Variants in PTPRG observed in about 807,000 individuals in gnomAD.
The protein encoded by PTPRG is receptor-type tyrosine-protein phosphatase gamma.
In PTPRG, 102 loss-of-function variants were observed where a neutral mutation model predicts 165.3. That is an observed-to-expected ratio of 0.62 (90% CI 0.53 to 0.73). PTPRG has a LOEUF of 0.73. PTPRG is among the 30% of genes least tolerant of loss of function. PTPRG has a pLI of 0.00. For synonymous variants in PTPRG, 675 were observed against 669.5 expected, an observed-to-expected ratio of 1.01 and a Z score of -0.13; for missense variants, 1,866 against 1,861.4, an observed-to-expected ratio of 1.00 and a Z score of -0.05.
In PTPRG at chr3:62,203,074, G is replaced by A; in HGVS notation, c.1378-99G>A. 1 of 1,503,298 alleles carries A rather than the reference G, an allele frequency of 6.7e-7. No individual in the cohort carries two copies. The highest frequency in any genetic ancestry group is 8.9e-7 in the Non-Finnish European group (1 of 1,126,532). The allele number at this position is 1,503,298 out of a possible 1,614,324, so 93.1% of individuals were successfully genotyped here. ...GCATAGATGAGTAAAATCCTCAGAG[G>A]GTGACAACCAGGGCCTCATTCCCAA... On this transcript the variant is annotated intron_variant, in intron 11 of 29. Coordinates refer to ENST00000474889, the MANE Select transcript of PTPRG (RefSeq NM_002841.4). This position sits in a 1 kb window ranked among gnomAD's most constrained non-coding sequence, Gnocchi z 6.4.
chr3:62,031,610 A>T (rs1699772231), intron 4 of PTPRG, among the ~76,000 whole-genome samples: 1 of 152,146 alleles, frequency 6.6e-6, no homozygotes, highest in South Asian at 2.1e-4. Flanking sequence ...TGGGGAATGG[A>T]TGGTGGGATG....
chr3:61,754,980 CCTT>C (rs748658747), intron 2 of PTPRG, among the ~76,000 whole-genome samples: 58 of 151,798 alleles, frequency 3.8e-4, no homozygotes, highest in Admixed American at 2.9e-3. Flanking sequence ...ATAGAGACCT[CCTT>C]CTTCTTCTTC....
chr3:62,089,360 C>T (rs1027177825), intron 5 of PTPRG, among the ~76,000 whole-genome samples: 1 of 152,078 alleles, frequency 6.6e-6, no homozygotes, highest in South Asian at 2.1e-4. Flanking sequence ...TATGATTTTC[C>T]CCATGTTCCT....
chr3:61,800,661 T>G (rs931210596), intron 2 of PTPRG, among the ~76,000 whole-genome samples: 1 of 132,812 alleles, frequency 7.5e-6, no homozygotes, highest in Non-Finnish European at 1.7e-5. Flanking sequence ...CGGTACTCTG[T>G]TTTTTTTTTT....
intron 4 of PTPRG, among the ~76,000 whole-genome samples, chr3:62,052,802 A>G (rs1311922553): frequency 6.6e-6 from 1 of 152,226 alleles, no homozygotes; most frequent in Non-Finnish European, 1.5e-5. Flanking sequence ...TTAAAAAGAC[A>G]AAAGAGAAGA....
intron 6 of PTPRG, among the ~76,000 whole-genome samples, chr3:62,150,842 T>G (rs1241134849): frequency 6.6e-6 from 1 of 152,200 alleles, no homozygotes; most frequent in South Asian, 2.1e-4. Context: ...CCTTCCAATC[T>G]TCCAATGTAA....
At chr3:61,946,667 T>C (rs537659614) in intron 2 of PTPRG, among the ~76,000 whole-genome samples, 1 of 152,356 alleles carries the variant, frequency 6.6e-6, no homozygotes, top group East Asian at 1.9e-4. Context: ...GTAAATGAGA[T>C]GCCAAAAATA....
At chr3:62,056,061 C>T (rs1700624279) in intron 4 of PTPRG, among the ~76,000 whole-genome samples, 1 of 152,208 alleles carries the variant, frequency 6.6e-6, no homozygotes, top group South Asian at 2.1e-4. Context: ...TAGCCCAAGG[C>T]TCTAACAACT....
intron 2 of PTPRG, among the ~76,000 whole-genome samples, chr3:61,791,032 A>G (rs942874498): frequency 3.9e-5 from 6 of 152,204 alleles, no homozygotes; most frequent in Admixed American, 2.6e-4. Flanking sequence ...GATGTCGGTT[A>G]ACAGTTTAAA....
intron 2 of PTPRG, among the ~76,000 whole-genome samples, chr3:61,987,345 G>A (rs187230468): frequency 2.8e-4 from 43 of 152,250 alleles, no homozygotes; most frequent in African/African-American, 1.0e-3. Flanking sequence ...GAATCCCACT[G>A]GTATGAACCC....
chr3:62,137,574 C>G (rs760523040), intron 6 of PTPRG, among the ~76,000 whole-genome samples: 12 of 152,098 alleles, frequency 7.9e-5, no homozygotes, highest in Non-Finnish European at 1.6e-4. Flanking sequence ...TCATCGATTT[C>G]CTGAGCATAC....
intron 2 of PTPRG, among the ~76,000 whole-genome samples, chr3:61,918,478 T>G (rs2038996839): frequency 1.3e-5 from 2 of 152,196 alleles, no homozygotes; most frequent in Admixed American, 1.3e-4. Context: ...GTTGGGTGTT[T>G]GAGATACTAA....
intron 2 of PTPRG, among the ~76,000 whole-genome samples, chr3:61,930,897 C>T (rs889013804): frequency 1.7e-4 from 26 of 152,212 alleles, no homozygotes; most frequent in African/African-American, 6.0e-4. Context: ...CCCATCTCTA[C>T]TAAAAAATAC....
At chr3:61,723,644 ACAGAGCGGTCCCATATACCCC>A (rs1467209493) in intron 1 of PTPRG, among the ~76,000 whole-genome samples, 1 of 152,200 alleles carries the variant, frequency 6.6e-6, no homozygotes, top group Non-Finnish European at 1.5e-5. Flanking sequence ...CCAAGATAGT[ACAGAGCGGTCCCATATACCCC>A]CTTTTTTTGT....
At chr3:61,835,826 A>G (rs537733756) in intron 2 of PTPRG, among the ~76,000 whole-genome samples, 45 of 151,774 alleles carry the variant, frequency 3.0e-4, no homozygotes, top group African/African-American at 1.1e-3. Flanking sequence ...ATCACCTGAG[A>G]GGTCAGGAGT....
At chr3:61,825,497 C>T (rs1559633403) in intron 2 of PTPRG, among the ~76,000 whole-genome samples, 1 of 152,128 alleles carries the variant, frequency 6.6e-6, no homozygotes, top group East Asian at 1.9e-4. Context: ...CAATGCGTAT[C>T]ATAGATTTTA....
chr3:61,876,554 A>G (rs1006799681), intron 2 of PTPRG, among the ~76,000 whole-genome samples: 1 of 152,192 alleles, frequency 6.6e-6, no homozygotes, highest in Admixed American at 6.5e-5. Context: ...AACTTCTCTC[A>G]ATACAAACTT....
chr3:61,674,009 C>A (rs1279067700), intron 1 of PTPRG, among the ~76,000 whole-genome samples: 1 of 136,930 alleles, frequency 7.3e-6, no homozygotes, highest in East Asian at 2.6e-4. Flanking sequence ...TGGAGGGGAA[C>A]ATCACACACT....
rs1035164103 is a variant in PTPRG, at chr3:62,228,127, C to T, written c.2289-3098C>T. 6.5e-4 allele frequency among the ~76,000 whole-genome samples: 99 copies of T among 152,044 alleles called. No individual in the cohort carries two copies. The highest frequency in any genetic ancestry group is 2.3e-3 in the African/African-American group (94 of 41,462). On this transcript the variant is annotated intron_variant, in intron 13 of 29. Coordinates refer to ENST00000474889, the MANE Select transcript of PTPRG (RefSeq NM_002841.4). The surrounding 1 kb of genome is among the most constrained non-coding windows in gnomAD (Gnocchi z 4.1). Reference sequence around the variant, plus strand: ...TAGTGATCAAGGAAAATAGTGTGTTCTGGGAAGGACTCTGACCACAGCCAG... The same window carrying T: ...TAGTGATCAAGGAAAATAGTGTGTTTTGGGAAGGACTCTGACCACAGCCAG...
Sources: gnomAD v4.1 joint callset for allele counts (sites outside exome capture counted in the v4.1 genomes callset) on GRCh38, gnomAD v4.1.1 for gene constraint, Gnocchi (gnomAD v3.1) non-coding constraint, MANE v1.5 for transcripts, NCBI Gene and HGNC (gene_info 2026-07-23, HGNC 2026-07-21) for gene names.